Variants in FGL1 observed in about 807,000 individuals in gnomAD.
The protein encoded by FGL1 is fibrinogen-like protein 1.
A neutral mutation model predicts 43.7 loss-of-function variants in FGL1; 59 were observed. The observed-to-expected ratio is 1.35, with a 90% confidence interval of 1.10 to 1.68. The LOEUF is 1.68. FGL1 is among the 40% of genes most tolerant of loss of function. The probability of loss-of-function intolerance (pLI) is 0.00; values close to 1 mark genes in which losing one functional copy is unlikely to be tolerated. For missense variants in FGL1, 596 were observed against 373.0 expected, an observed-to-expected ratio of 1.60 and a Z score of -4.92; for synonymous variants, 192 against 126.5, an observed-to-expected ratio of 1.52 and a Z score of -3.48.
At chr8:17,871,670 C>T (rs367870428) in intron 5 of FGL1, among the ~76,000 whole-genome samples, 20 of 152,224 alleles carry the variant, frequency 1.3e-4, no homozygotes, top group East Asian at 9.7e-4. Flanking sequence ...TAAAGCTATT[C>T]TCAGAGGTAA....
At chr8:17,882,670 TATAA>T (rs926713052) in intron 2 of FGL1, 1 of 128,388 alleles carries the variant, frequency 7.8e-6, no homozygotes, top group African/African-American at 3.6e-5. Flanking sequence ...GGCTGTCTGG[TATAA>T]ATACTTTTAA....
intron 5 of FGL1, 114 bp from the exon 6 acceptor site, chr8:17,869,118 G>T (rs1410777908): frequency 1.3e-5 from 8 of 609,770 alleles, no homozygotes; most frequent in South Asian, 5.2e-5. Flanking sequence ...CCTTGGCCAA[G>T]AATCAGTTTT....
At chr8:17,886,010 T>C (rs2131738336) in intron 1 of FGL1, among the ~76,000 whole-genome samples, 1 of 152,302 alleles carries the variant, frequency 6.6e-6, no homozygotes, top group East Asian at 1.9e-4. Context: ...CGCCTTGGCC[T>C]CCCAAAGTGC....
chr8:17,894,074 G>A (rs1321408036), intron 1 of FGL1, among the ~76,000 whole-genome samples: 3 of 145,770 alleles, frequency 2.1e-5, no homozygotes, highest in Non-Finnish European at 4.4e-5. Flanking sequence ...AATTAATTAC[G>A]CTGCATTAAA....
rs1165771235 is a variant in FGL1, at chr8:17,875,455, AC to A, written c.245-935del. On this transcript the variant is annotated intron_variant, in intron 3 of 7. Transcript: ENST00000427924. ...TTTGAACACTGAAGCAAATGTAGCTACCCCTTTGTCACCAAAAAGTGATATC... is the reference window on the plus strand; with the variant it reads ...TTTGAACACTGAAGCAAATGTAGCTACCCTTTGTCACCAAAAAGTGATATC... Among the ~76,000 whole-genome samples the A allele has an allele frequency of 2.0e-5, 3 of 150,998 alleles. 1 individual carries two copies. Among genetic ancestry groups the A allele is most frequent in the African/African-American group, 7.3e-5 (3 of 40,908 alleles).
intron 5 of FGL1, among the ~76,000 whole-genome samples, chr8:17,869,946 A>G (rs958185896): frequency 4.6e-5 from 7 of 151,870 alleles, no homozygotes; most frequent in Non-Finnish European, 1.0e-4. Context: ...CGTCTCTACT[A>G]AAAAATACAA....
At chr8:17,889,173 C>T (rs1265744158) in intron 1 of FGL1, among the ~76,000 whole-genome samples, 4 of 152,134 alleles carry the variant, frequency 2.6e-5, no homozygotes, top group African/African-American at 7.2e-5. Context: ...AGGGCTATTT[C>T]CCCAAGTCTA....
intron 1 of FGL1, among the ~76,000 whole-genome samples, chr8:17,886,198 C>G (rs1157006934): frequency 2.6e-5 from 4 of 152,192 alleles, no homozygotes; most frequent in Non-Finnish European, 5.9e-5. Flanking sequence ...ATGTAATTTC[C>G]TTGCTTTAAA....
intron 1 of FGL1, among the ~76,000 whole-genome samples, chr8:17,889,403 A>T (rs1162311489): frequency 1.3e-5 from 2 of 152,240 alleles, no homozygotes; most frequent in African/African-American, 4.8e-5. Context: ...TACAAAAATT[A>T]GCCAGGTGTG....
chr8:17,884,998 A>G (rs1296656386), intron 2 of FGL1, among the ~76,000 whole-genome samples: 2 of 152,028 alleles, frequency 1.3e-5, no homozygotes, highest in African/African-American at 2.4e-5. Flanking sequence ...ATTTTTAAAA[A>G]TTACTTATTT....
chr8:17,888,614 T>G (rs1398500773), intron 1 of FGL1, among the ~76,000 whole-genome samples: 1 of 152,210 alleles, frequency 6.6e-6, no homozygotes, highest in Non-Finnish European at 1.5e-5. Context: ...CTTTTGTTTT[T>G]CTTTTTTTGT....
intron 3 of FGL1, among the ~76,000 whole-genome samples, chr8:17,875,607 T>C (rs1455475199): frequency 6.8e-6 from 1 of 147,160 alleles, no homozygotes; most frequent in African/African-American, 2.6e-5. Context: ...CTTTCTTTCT[T>C]TCTTTCTTTT....
chr8:17,875,456 C>T (rs1032983044), intron 3 of FGL1, among the ~76,000 whole-genome samples: 3 of 151,674 alleles, frequency 2.0e-5, no homozygotes, highest in African/African-American at 7.3e-5. Context: ...AATGTAGCTA[C>T]CCCTTTGTCA....
chr8:17,872,345 C>A (rs1371656578), intron 5 of FGL1, among the ~76,000 whole-genome samples: 2 of 107,044 alleles, frequency 1.9e-5, no homozygotes, highest in Non-Finnish European at 3.8e-5. Context: ...CTCTGTCACC[C>A]AGGCTGGAGT....
At chr8:17,879,481 G>A (rs959788211) in intron 3 of FGL1, among the ~76,000 whole-genome samples, 1 of 152,064 alleles carries the variant, frequency 6.6e-6, no homozygotes, top group Non-Finnish European at 1.5e-5. Flanking sequence ...GGCTCATGGG[G>A]GTGGAGTTGT....
intron 3 of FGL1, 53 bp from the exon 4 acceptor site, chr8:17,874,574 C>G (rs575356003): frequency 7.0e-7 from 1 of 1,421,780 alleles, no homozygotes. Flanking sequence ...TTTCTCCCCC[C>G]GCCTTAGGGA....
In FGL1 at chr8:17,864,752, C is replaced by G. The variant is rs1563444126; in HGVS notation, c.780-1G>C. 1.4e-6 allele frequency: 2 copies of G among 1,461,924 alleles called. No homozygotes were observed. The highest frequency in any genetic ancestry group is 1.8e-6 in the Non-Finnish European group (2 of 1,102,830). 90.6% of individuals were successfully genotyped at this position (1,461,924 alleles called of 1,614,324 possible). A position where few individuals can be genotyped will look rare whatever the true frequency, so the allele number is the denominator to read the frequency against. On this transcript the variant is annotated splice_acceptor_variant, in intron 7 of 7. Coordinates refer to ENST00000427924, the MANE Select transcript of FGL1 (RefSeq NM_004467.4). LOFTEE classifies it high-confidence loss of function. ...ACCATTCAGGTTTGCAGAGTGACAC[C>G]TAGTGGAAGGGAGAAAAAAAAAGAA... is the stretch of plus-strand genomic sequence containing the variant.
intron 1 of FGL1, chr8:17,891,749 A>C (rs1322196485): frequency 1.0e-6 from 1 of 983,650 alleles, no homozygotes; most frequent in East Asian, 1.1e-4. Flanking sequence ...GGGAGATCAA[A>C]TTCTTTTGTG....
intron 7 of FGL1, among the ~76,000 whole-genome samples, chr8:17,865,272 A>G (rs1475107151): frequency 3.3e-5 from 5 of 152,200 alleles, no homozygotes. Flanking sequence ...CTGACTCAGA[A>G]CAGTGTTAAT....
Sources: allele counts gnomAD v4.1 joint callset (sites outside exome capture counted in the v4.1 genomes callset), GRCh38; gene constraint gnomAD v4.1.1; transcripts MANE v1.5; gene names NCBI Gene and HGNC (gene_info 2026-07-23, HGNC 2026-07-21).